The following SLX4IP variants were observed in gnomAD, a reference collection of about 807,000 sequenced individuals.
SLX4IP encodes the protein protein SLX4IP.
In SLX4IP, 34 loss-of-function variants were observed where a neutral mutation model predicts 32.9. The observed-to-expected ratio is 1.03, with a 90% CI of 0.79 to 1.38. SLX4IP has a LOEUF of 1.38. Ranked by LOEUF, SLX4IP falls within the 40% of genes most tolerant of loss-of-function variation. The pLI is 0.00. For synonymous variants in SLX4IP, 172 were observed against 171.7 expected (o/e 1.00, Z -0.01); for missense variants, 444 against 479.0 (o/e 0.93, Z 0.68).
chr20:10,526,811 G>A (rs1205767576), intron 2 of SLX4IP, among the ~76,000 whole-genome samples: 1 of 152,164 alleles, frequency 6.6e-6, no homozygotes, highest in East Asian at 1.9e-4. Context: ...AATTAGCTGG[G>A]TTTTGTGGCA....
At chr20:10,554,562 ATGAG>A (rs939817698) in intron 2 of SLX4IP, among the ~76,000 whole-genome samples, 6 of 152,170 alleles carry the variant, frequency 3.9e-5, no homozygotes, top group African/African-American at 1.4e-4. Context: ...CTGGGAAAGT[ATGAG>A]AGTCTGGGTT....
At chr20:10,512,733 G>A (rs979983989) in intron 2 of SLX4IP, among the ~76,000 whole-genome samples, 20 of 91,732 alleles carry the variant, frequency 2.2e-4, no homozygotes, top group African/African-American at 5.0e-4. Flanking sequence ...TATAGTATAT[G>A]TATTGTGTAT....
In SLX4IP at chr20:10,624,655, G is replaced by A. The variant is rs1417374620; in HGVS notation, c.*1276G>A. The A allele has an allele frequency of 2.0e-5, 3 of 151,910 alleles. No homozygotes were observed. The highest frequency in any genetic ancestry group is 4.4e-5 in the Non-Finnish European group (3 of 68,020). 9.4% of individuals were successfully genotyped at this position (151,910 alleles called of 1,614,324 possible). On this transcript the variant is annotated 3_prime_UTR_variant, in exon 8 of 8. Transcript: ENST00000334534. The stretch of plus-strand genomic sequence containing the variant: ...CAAGTATATTCCCTAAAGTGTTGAA[G>A]TTAGCAGAAAAATCACCCAGAAAAG...
At chr20:10,572,535 TAA>T (rs1212789486) in intron 4 of SLX4IP, among the ~76,000 whole-genome samples, 2 of 152,166 alleles carry the variant, frequency 1.3e-5, no homozygotes, top group Non-Finnish European at 2.9e-5. Flanking sequence ...GCATTTTGTC[TAA>T]ATAGGGTTCA....
At chr20:10,588,833 T>C (rs2066675107) in intron 4 of SLX4IP, among the ~76,000 whole-genome samples, 1 of 152,180 alleles carries the variant, frequency 6.6e-6, no homozygotes, top group African/African-American at 2.4e-5. Context: ...CTATCAGTTA[T>C]AAGGTGAATA....
intron 2 of SLX4IP, among the ~76,000 whole-genome samples, chr20:10,529,744 T>A (rs977963594): frequency 1.3e-5 from 2 of 151,984 alleles, no homozygotes; most frequent in Non-Finnish European, 2.9e-5. Flanking sequence ...ATAATTGCTA[T>A]CATAGAAAAT....
chr20:10,622,854 G>T lies in SLX4IP; in HGVS notation c.702G>T (p.Gly234=). ...DSIKAAESHW[G]LPVQKLEKVN... ...TAAAGGCAGCTGAGAGCCACTGGGG[G>T]CTTCCTGTTCAAAAGCTGGAAAAAG... The change falls in exon 8 of 8, where the codon GGG becomes GGT. Residue 234 remains glycine (G), a synonymous_variant. Coordinates refer to ENST00000334534, the MANE Select transcript of SLX4IP (RefSeq NM_001009608.3). 1.9e-6 allele frequency: 3 copies of T among 1,614,056 alleles called. No homozygotes were observed. Among genetic ancestry groups the T allele is most frequent in the Non-Finnish European group, 8.5e-7 (1 of 1,180,008 alleles).
intron 6 of SLX4IP, chr20:10,613,961 C>A: frequency 8.5e-7 from 1 of 1,174,106 alleles, no homozygotes; most frequent in South Asian, 1.2e-5. Flanking sequence ...CAGGAGAGTC[C>A]TCGTCCACCG....
rs758042913 is a variant in SLX4IP, at chr20:10,452,853, AAAAT to A, written c.-29-5304_-29-5301del. On this transcript the variant is annotated intron_variant, in intron 1 of 7. Coordinates refer to ENST00000334534, the MANE Select transcript of SLX4IP (RefSeq NM_001009608.3). ...TTGACAAAGTGAGACTCTGTCTCAGAAAATAAATAAATAAATAAATAACGTAAAA... is the reference window on the plus strand; with the variant it reads ...TTGACAAAGTGAGACTCTGTCTCAGAAAATAAATAAATAAATAACGTAAAA... 8.3e-3 allele frequency among the ~76,000 whole-genome samples: 1,250 copies of A among 151,480 alleles called. 10 individuals are homozygous for A. The highest frequency in any genetic ancestry group is 0.013 in the Non-Finnish European group (888 of 67,826).
At position 10,627,157 on chromosome 20, in the gene SLX4IP, A is replaced by G. The variant is rs925645786; in HGVS notation, c.*3778A>G. On this transcript the variant is annotated 3_prime_UTR_variant, in exon 8 of 8. Transcript: ENST00000334534. ...AATGAGTGGCCCTCCTTTGGAGGTAACAGATGCCTTTCCTAAGAACTCAAA... is the reference window on the plus strand; with the variant it reads ...AATGAGTGGCCCTCCTTTGGAGGTAGCAGATGCCTTTCCTAAGAACTCAAA... 7.9e-5 allele frequency: 12 copies of G among 152,216 alleles called. No individual in the cohort carries two copies. Among genetic ancestry groups the G allele is most frequent in the Non-Finnish European group, 1.3e-4 (9 of 68,032 alleles). The allele number at this position is 152,216 out of a possible 1,614,324, so 9.4% of individuals were successfully genotyped here.
At chr20:10,503,475 C>T (rs969218075) in intron 2 of SLX4IP, among the ~76,000 whole-genome samples, 1 of 152,210 alleles carries the variant, frequency 6.6e-6, no homozygotes, top group Admixed American at 6.5e-5. Context: ...CTGCTGCCAC[C>T]TTGCCATGGG....
intron 6 of SLX4IP, among the ~76,000 whole-genome samples, chr20:10,603,232 A>G (rs1415880421): frequency 6.6e-6 from 1 of 152,254 alleles, no homozygotes; most frequent in African/African-American, 2.4e-5. Context: ...GAGAAATTAG[A>G]TCTTCTATCT....
intron 2 of SLX4IP, among the ~76,000 whole-genome samples, chr20:10,517,757 C>A (rs886911280): frequency 6.6e-6 from 1 of 152,138 alleles, no homozygotes; most frequent in Non-Finnish European, 1.5e-5. Context: ...TGTGGAGAAG[C>A]GACCTGGGCT....
intron 2 of SLX4IP, among the ~76,000 whole-genome samples, chr20:10,488,263 A>G (rs2065591305): frequency 6.6e-6 from 1 of 152,210 alleles, no homozygotes; most frequent in African/African-American, 2.4e-5. Context: ...TGATGTTCCT[A>G]TAGAAAGGGG....
rs55855614 is a variant in SLX4IP at position 10,623,818 on chromosome 20, G to A, written c.*439G>A. The A allele has an allele frequency of 0.11, 17,838 of 164,856 alleles. 1,320 individuals are homozygous for A. The highest frequency in any genetic ancestry group is 0.16 in the Non-Finnish European group (12,135 of 75,098). 10.2% of individuals were successfully genotyped at this position (164,856 alleles called of 1,614,324 possible). A position where few individuals can be genotyped will look rare whatever the true frequency, so the allele number is the denominator to read the frequency against. On this transcript the variant is annotated 3_prime_UTR_variant, in exon 8 of 8. Coordinates refer to ENST00000334534, the MANE Select transcript of SLX4IP (RefSeq NM_001009608.3). ...CCTGCTCCTCAGCCTGAGTAGGAGG[G>A]CAGTGAAAGAACAAGCTAGTGGTTC...
At chr20:10,436,827 G>A (rs757667024) in intron 1 of SLX4IP, among the ~76,000 whole-genome samples, 1 of 152,076 alleles carries the variant, frequency 6.6e-6, no homozygotes, top group Non-Finnish European at 1.5e-5. Context: ...AAGAGATTTT[G>A]TCATCCCAAT....
intron 3 of SLX4IP, among the ~76,000 whole-genome samples, chr20:10,557,596 G>A (rs1221298880): frequency 6.6e-6 from 1 of 152,194 alleles, no homozygotes; most frequent in Admixed American, 6.5e-5. Context: ...AGTCACCCAA[G>A]GGGACCTCAC....
rs138780317 is a variant in SLX4IP at position 10,626,693 on chromosome 20, C to T, written c.*3314C>T. 19 of 152,268 alleles carry T rather than the reference C, an allele frequency of 1.2e-4. No homozygotes were observed. Among genetic ancestry groups the T allele is most frequent in the African/African-American group, 3.6e-4 (15 of 41,546 alleles). 9.4% of individuals were successfully genotyped at this position (152,268 alleles called of 1,614,324 possible). A position where few individuals can be genotyped will look rare whatever the true frequency, so the allele number is the denominator to read the frequency against. The stretch of plus-strand genomic sequence containing the variant: ...ATCTTTGCCACTGGAGGTTAACTGT[C>T]GTCCAGATATGCATATGAATTGTGA... On this transcript the variant is annotated 3_prime_UTR_variant, in exon 8 of 8. Coordinates refer to ENST00000334534, the MANE Select transcript of SLX4IP (RefSeq NM_001009608.3).
At chr20:10,584,125 G>A (rs971433008) in intron 4 of SLX4IP, among the ~76,000 whole-genome samples, 2 of 151,990 alleles carry the variant, frequency 1.3e-5, no homozygotes, top group South Asian at 4.2e-4. Flanking sequence ...ATACATGGTG[G>A]GTTTTTTTTC....
Sources: allele counts gnomAD v4.1 joint callset (sites outside exome capture counted in the v4.1 genomes callset), GRCh38; gene constraint gnomAD v4.1.1; transcripts MANE v1.5; gene names NCBI Gene and HGNC (gene_info 2026-07-23, HGNC 2026-07-21).